Variants in GABRG3 observed in about 807,000 individuals in gnomAD.
GABRG3 encodes the protein gamma-aminobutyric acid receptor subunit gamma-3.
Under a neutral mutation model 48.8 loss-of-function variants are expected in GABRG3, and 25 were observed. That is an observed-to-expected ratio of 0.51 (90% CI 0.37 to 0.72). The LOEUF (loss-of-function observed/expected upper bound fraction) is 0.72, where lower values mean the gene tolerates loss of function less well. Ranked by LOEUF, GABRG3 falls within the 30% of genes least tolerant of loss-of-function variation. The pLI is 0.00. For synonymous variants in GABRG3, 227 were observed against 217.6 expected, an observed-to-expected ratio of 1.04 and a Z score of -0.38; for missense variants, 394 against 577.9, an observed-to-expected ratio of 0.68 and a Z score of 3.26.
chr15:27,271,766 T>C, intron 3 of GABRG3: 1 of 379,568 alleles, frequency 2.6e-6, no homozygotes, highest in Non-Finnish European at 5.3e-6. Flanking sequence ...AGGAGAGCGG[T>C]CAGGGACGCA....
chr15:27,399,194 C>T (rs756113976), intron 5 of GABRG3, among the ~76,000 whole-genome samples: 15 of 152,138 alleles, frequency 9.9e-5, no homozygotes, highest in South Asian at 2.1e-4. Context: ...TTATTAATAA[C>T]GGGCTTTCTA....
At position 27,534,539 on chromosome 15, in the gene GABRG3, C is replaced by G. The variant is rs2150867651; in HGVS notation, c.*1658C>G. The G allele has an allele frequency of 6.6e-6, 1 of 152,302 alleles. No individual in the cohort carries two copies. Among genetic ancestry groups the G allele is most frequent in the African/African-American group, 2.4e-5 (1 of 41,572 alleles). 9.4% of individuals were successfully genotyped at this position (152,302 alleles called of 1,614,324 possible). ...CAGAATCTCTGTGCTTCTCATCTTTCTCACATAGAAAACTGAATTAATTTG... is the reference window on the plus strand; with the variant it reads ...CAGAATCTCTGTGCTTCTCATCTTTGTCACATAGAAAACTGAATTAATTTG... On this transcript the variant is annotated 3_prime_UTR_variant, in exon 10 of 10. Transcript: ENST00000615808.
intron 3 of GABRG3, among the ~76,000 whole-genome samples, chr15:27,123,071 C>T (rs1595536957): frequency 6.6e-6 from 1 of 152,096 alleles, no homozygotes; most frequent in Non-Finnish European, 1.5e-5. Flanking sequence ...TTCTAAGAAG[C>T]GTATTACCCT....
At chr15:27,020,302 C>G (rs1895865053) in intron 2 of GABRG3, among the ~76,000 whole-genome samples, 1 of 152,224 alleles carries the variant, frequency 6.6e-6, no homozygotes, top group Non-Finnish European at 1.5e-5. Flanking sequence ...TAGGGATTCC[C>G]TTGCATGGAC....
chr15:26,978,541 T>G (rs1894993610), intron 2 of GABRG3, among the ~76,000 whole-genome samples: 1 of 152,176 alleles, frequency 6.6e-6, no homozygotes, highest in Non-Finnish European at 1.5e-5. Context: ...TTCCCCACCC[T>G]CCATGGATGC....
chr15:27,191,629 A>G (rs1595576275), intron 3 of GABRG3, among the ~76,000 whole-genome samples: 1 of 152,104 alleles, frequency 6.6e-6, no homozygotes, highest in East Asian at 1.9e-4. Flanking sequence ...TGCATGTGAG[A>G]TGGGTTTCCT....
intron 5 of GABRG3, among the ~76,000 whole-genome samples, chr15:27,368,609 G>A (rs542926681): frequency 6.6e-6 from 1 of 152,276 alleles, no homozygotes; most frequent in South Asian, 2.1e-4. Flanking sequence ...CACCATGTAA[G>A]TTAGGTTCCA....
At chr15:26,994,262 T>G (rs997274994) in intron 2 of GABRG3, among the ~76,000 whole-genome samples, 3 of 151,948 alleles carry the variant, frequency 2.0e-5, no homozygotes, top group Admixed American at 6.6e-5. Context: ...ATATTCTCGG[T>G]TTTTTGCAGT....
chr15:27,194,441 G>A (rs1363619106), intron 3 of GABRG3, among the ~76,000 whole-genome samples: 1 of 152,132 alleles, frequency 6.6e-6, no homozygotes, highest in African/African-American at 2.4e-5. Context: ...AACTCCTTAA[G>A]GGATATTTCC....
At chr15:27,126,165 A>G (rs1189178058) in intron 3 of GABRG3, among the ~76,000 whole-genome samples, 2 of 152,246 alleles carry the variant, frequency 1.3e-5, no homozygotes, top group Admixed American at 6.5e-5. Flanking sequence ...TTGAGAGAAC[A>G]GGGCTTCTTT....
At chr15:27,131,827 T>C (rs891967578) in intron 3 of GABRG3, among the ~76,000 whole-genome samples, 1 of 151,990 alleles carries the variant, frequency 6.6e-6, no homozygotes, top group Non-Finnish European at 1.5e-5. Flanking sequence ...TTTTTGATAA[T>C]TGGGGTAAGG....
intron 3 of GABRG3, 54 bp from the exon 4 acceptor site, chr15:27,326,755 A>G (rs1441300038): frequency 7.1e-7 from 1 of 1,405,270 alleles, no homozygotes; most frequent in African/African-American, 1.4e-5. Context: ...AGAACAAATT[A>G]TACAGAACAT....
chr15:27,279,141 GT>G lies in GABRG3; in HGVS notation c.271-47666del, dbSNP rs201517756. Among the ~76,000 whole-genome samples, 995 of 152,216 alleles carry G rather than the reference GT, an allele frequency of 6.5e-3. 17 individuals are homozygous for G. Among genetic ancestry groups the G allele is most frequent in the African/African-American group, 0.023 (950 of 41,538 alleles). Reference sequence around the variant, plus strand: ...TTTCTAAGTGAATTGTTTTTGTATAGTTGGGTTTTGAGAGTTCCTTATATAT... The same window carrying G: ...TTTCTAAGTGAATTGTTTTTGTATAGTGGGTTTTGAGAGTTCCTTATATAT... On this transcript the variant is annotated intron_variant, in intron 3 of 9. Transcript: ENST00000615808.
At chr15:27,125,484 G>C (rs1272147658) in intron 3 of GABRG3, among the ~76,000 whole-genome samples, 1 of 152,114 alleles carries the variant, frequency 6.6e-6, no homozygotes, top group African/African-American at 2.4e-5. Context: ...AGAGAATTTT[G>C]ACTGTTCACA....
intron 3 of GABRG3, among the ~76,000 whole-genome samples, chr15:27,031,555 G>A (rs1319597503): frequency 1.6e-4 from 25 of 152,124 alleles, no homozygotes; most frequent in Non-Finnish European, 2.9e-5. Context: ...GAAATTGATG[G>A]GATGGCTCTG....
At chr15:27,310,076 T>C (rs1468614622) in intron 3 of GABRG3, among the ~76,000 whole-genome samples, 2 of 152,100 alleles carry the variant, frequency 1.3e-5, no homozygotes, top group African/African-American at 2.4e-5. Context: ...GTTGATACTA[T>C]AGTATTCCAT....
At chr15:27,049,217 G>T (rs1404999941) in intron 3 of GABRG3, among the ~76,000 whole-genome samples, 1 of 152,220 alleles carries the variant, frequency 6.6e-6, no homozygotes, top group Non-Finnish European at 1.5e-5. Flanking sequence ...TTTATTTTGT[G>T]CTGGGCCCCA....
intron 3 of GABRG3, among the ~76,000 whole-genome samples, chr15:27,103,003 G>A (rs1897387544): frequency 1.3e-5 from 2 of 152,172 alleles, no homozygotes; most frequent in Non-Finnish European, 2.9e-5. Flanking sequence ...TTATTATCCT[G>A]TAAAAAGTTG....
chr15:27,001,239 A>AACCCAGTTCCAGTTACT (rs1320346434), intron 2 of GABRG3, among the ~76,000 whole-genome samples: 5 of 152,222 alleles, frequency 3.3e-5, no homozygotes, highest in African/African-American at 1.2e-4. Context: ...TGAAAAAGTA[A>AACCCAGTTCCAGTTACT]ACCCAGTTCC....
Sources: allele counts gnomAD v4.1 joint callset (sites outside exome capture counted in the v4.1 genomes callset), GRCh38; gene constraint gnomAD v4.1.1; transcripts MANE v1.5; gene names NCBI Gene and HGNC (gene_info 2026-07-23, HGNC 2026-07-21).